RIOX2: variants seen among roughly 807,000 people sequenced by gnomAD.
RIOX2 encodes the protein 60S ribosomal protein L27a histidine hydroxylase.
RIOX2 carries 43 observed loss-of-function variants against 51.2 expected under a neutral mutation model. The ratio of observed to expected loss-of-function variants is 0.84; its 90% CI spans 0.66 to 1.08. The LOEUF is 1.08. Ranked by LOEUF, RIOX2 falls within the 50% of genes least tolerant of loss-of-function variation. The pLI, the probability that RIOX2 is intolerant of heterozygous loss-of-function variation, is 0.00. For synonymous variants in RIOX2, 226 were observed against 218.5 expected, an observed-to-expected ratio of 1.03 and a Z score of -0.30; for missense variants, 566 against 561.7, an observed-to-expected ratio of 1.01 and a Z score of -0.08.
At chr3:97,963,202 C>A (rs1317147227) in intron 2 of RIOX2, among the ~76,000 whole-genome samples, 1 of 152,222 alleles carries the variant, frequency 6.6e-6, no homozygotes, top group African/African-American at 2.4e-5. Context: ...CAGTTCACTG[C>A]AGCCTCGACA....
rs748979849 is a variant in RIOX2, at chr3:97,943,209, TG to T, written c.*1974del. ...TGCCTGAACAAATAATCTTTTCTTT[TG>T]GAATTTCTATTTTAGGAGGAAATTA... On this transcript the variant is annotated 3_prime_UTR_variant, in exon 10 of 10. Transcript: ENST00000394198. The T allele has an allele frequency of 7.0e-7, 1 of 1,433,388 alleles. No individual in the cohort carries two copies. The highest frequency in any genetic ancestry group is 9.7e-7 in the Non-Finnish European group (1 of 1,025,820). 88.8% of individuals were successfully genotyped at this position (1,433,388 alleles called of 1,614,324 possible). A position where few individuals can be genotyped will look rare whatever the true frequency, so the allele number is the denominator to read the frequency against.
At chr3:97,968,153 T>C (rs933819092) in intron 1 of RIOX2, among the ~76,000 whole-genome samples, 1 of 152,172 alleles carries the variant, frequency 6.6e-6, no homozygotes, top group African/African-American at 2.4e-5. Context: ...GGTCAATCAA[T>C]GCGCCCTGGA....
intron 4 of RIOX2, among the ~76,000 whole-genome samples, chr3:97,957,495 T>TA (rs35134649): frequency 0.69 from 90,293 of 131,186 alleles, 31,098 homozygotes; most frequent in East Asian, 0.83. Flanking sequence ...GACTCTGTCT[T>TA]AAAAAAAAAA....
chr3:97,945,366 A>C, intron 9 of RIOX2, 24 bp from the exon 10 acceptor site: 1 of 1,597,266 alleles, frequency 6.3e-7, no homozygotes, highest in South Asian at 1.1e-5. Flanking sequence ...TTTATTTGTC[A>C]AAATATATGT....
intron 1 of RIOX2, among the ~76,000 whole-genome samples, chr3:97,969,188 T>C (rs1386716983): frequency 6.6e-6 from 1 of 151,932 alleles, no homozygotes; most frequent in Non-Finnish European, 1.5e-5. Flanking sequence ...TAACACAAAC[T>C]GATACTACAG....
At chr3:97,964,772 C>T (rs1278004330) in intron 2 of RIOX2, among the ~76,000 whole-genome samples, 2 of 149,432 alleles carry the variant, frequency 1.3e-5, no homozygotes, top group Non-Finnish European at 3.0e-5. Flanking sequence ...ATTTCAAATG[C>T]CTGTTAGAAA....
At chr3:97,970,426 C>T (rs1232526327) in intron 1 of RIOX2, among the ~76,000 whole-genome samples, 4 of 152,184 alleles carry the variant, frequency 2.6e-5, no homozygotes, top group Non-Finnish European at 4.4e-5. Flanking sequence ...TACTGTAAGA[C>T]AACCATTCCT....
intron 4 of RIOX2, among the ~76,000 whole-genome samples, chr3:97,956,710 G>T (rs1705463516): frequency 6.6e-6 from 1 of 152,042 alleles, no homozygotes; most frequent in African/African-American, 2.4e-5. Context: ...GGTCAGGCTG[G>T]TCTCGAACTC....
chr3:97,953,167 G>C (rs563426562), intron 5 of RIOX2, among the ~76,000 whole-genome samples: 1 of 152,094 alleles, frequency 6.6e-6, no homozygotes, highest in East Asian at 1.9e-4. Flanking sequence ...ATTTCTGAAG[G>C]CTTCTCTAAT....
chr3:97,966,955 G>A (rs561859856), intron 2 of RIOX2, among the ~76,000 whole-genome samples: 2 of 152,334 alleles, frequency 1.3e-5, no homozygotes, highest in South Asian at 4.1e-4. Flanking sequence ...TCTACCCTGA[G>A]TTGCTGGAGT....
intron 3 of RIOX2, among the ~76,000 whole-genome samples, chr3:97,959,863 C>A (rs551953853): frequency 4.6e-4 from 70 of 152,290 alleles, no homozygotes; most frequent in African/African-American, 1.5e-3. Flanking sequence ...ACAAATACTT[C>A]TAGACCACCA....
In RIOX2 at chr3:97,942,582, T is replaced by A; in HGVS notation, c.*2602A>T. 1.3e-6 allele frequency: 1 copy of A among 794,340 alleles called. No individual in the cohort carries two copies. The highest frequency in any genetic ancestry group is 1.9e-6 in the Non-Finnish European group (1 of 525,038). The allele number at this position is 794,340 out of a possible 1,614,324, so 49.2% of individuals were successfully genotyped here. On this transcript the variant is annotated 3_prime_UTR_variant, in exon 10 of 10. Coordinates refer to ENST00000394198, the MANE Select transcript of RIOX2 (RefSeq NM_153182.4). ...AAATTATGCTTGAAGAAAATTAAGA[T>A]AGGCAGTTTTACAAACAAAACAATT...
chr3:97,955,262 T>C (rs1450563002), intron 4 of RIOX2, among the ~76,000 whole-genome samples: 1 of 152,138 alleles, frequency 6.6e-6, no homozygotes, highest in Non-Finnish European at 1.5e-5. Context: ...CAAAAATTCA[T>C]CATTTTCTTG....
chr3:97,949,812 C>A, intron 7 of RIOX2, 32 bp downstream of exon 7: 1 of 1,604,596 alleles, frequency 6.2e-7, no homozygotes, highest in Middle Eastern at 1.9e-4. Context: ...GCATTAGCCT[C>A]TGACCACCCA....
chr3:97,964,208 G>C (rs1461396384), intron 2 of RIOX2, among the ~76,000 whole-genome samples: 1 of 152,134 alleles, frequency 6.6e-6, no homozygotes, highest in Non-Finnish European at 1.5e-5. Context: ...CAACGCCATG[G>C]CTAAAATAGA....
chr3:97,952,096 A>G, intron 5 of RIOX2: 5 of 1,063,432 alleles, frequency 4.7e-6, no homozygotes, highest in East Asian at 5.9e-5. Flanking sequence ...GCAGACCCCC[A>G]AACACTCCAA....
intron 5 of RIOX2, chr3:97,952,026 A>G: frequency 2.0e-6 from 1 of 493,008 alleles, no homozygotes; most frequent in Non-Finnish European, 3.8e-6. Flanking sequence ...GACTTCCCAC[A>G]ATTTAGGAAT....
Position 97,969,442 on chromosome 3 carries a change from C to T in RIOX2, c.-39-1810G>A, listed in dbSNP as rs138314471. Among the ~76,000 whole-genome samples the T allele has an allele frequency of 3.6e-3, 551 of 152,296 alleles. 2 individuals carry two copies. Among genetic ancestry groups the T allele is most frequent in the Admixed American group, 7.3e-3 (112 of 15,298 alleles). ...GAAGGGGTACTGCTTATGCAGAAGA[C>T]GTTCCATAGCAGGCCTGACTGCTAT... On this transcript the variant is annotated intron_variant, in intron 1 of 9. Transcript: ENST00000394198.
chr3:97,965,262 A>T (rs1170908853), intron 2 of RIOX2, among the ~76,000 whole-genome samples: 1 of 149,400 alleles, frequency 6.7e-6, no homozygotes, highest in Non-Finnish European at 1.5e-5. Context: ...CTGTAATCCC[A>T]GCACTTTGGG....
Sources: gnomAD v4.1 joint callset for allele counts (sites outside exome capture counted in the v4.1 genomes callset) on GRCh38, gnomAD v4.1.1 for gene constraint, MANE v1.5 for transcripts, NCBI Gene and HGNC (gene_info 2026-07-23, HGNC 2026-07-21) for gene names.